MAST4: variants seen among roughly 807,000 people sequenced by gnomAD.
MAST4 encodes microtubule-associated serine/threonine-protein kinase 4.
Under a neutral mutation model 162.7 loss-of-function variants are expected in MAST4, and 89 were observed. The ratio of observed to expected loss-of-function variants is 0.55; its 90% CI spans 0.46 to 0.65. MAST4 has a LOEUF of 0.65. MAST4 is among the 30% of genes least tolerant of loss of function. MAST4 has a pLI of 0.00. For missense variants in MAST4, 3,153 were observed against 3,374.0 expected (o/e 0.93, Z 1.62); for synonymous variants, 1,479 against 1,361.1 (o/e 1.09, Z -1.91).
Position 66,909,949 on chromosome 5 carries a change from C to T in MAST4, c.674+9967C>T, listed in dbSNP as rs548886036. Reference sequence around the variant, plus strand: ...GACTTGCTCCTCCTTCACCTTTTGCCGTGATTGTTGGGACTCTCGAGCCAT... The same window carrying T: ...GACTTGCTCCTCCTTCACCTTTTGCTGTGATTGTTGGGACTCTCGAGCCAT... On this transcript the variant is annotated intron_variant, in intron 4 of 28. Transcript: ENST00000403625. Among the ~76,000 whole-genome samples, 54 of 152,256 alleles carry T rather than the reference C, an allele frequency of 3.5e-4. No individual in the cohort carries two copies. The South Asian group carries it at 6.8e-3, about 19-fold the overall frequency.
At chr5:67,049,000 T>TACAC (rs1554087344) in intron 4 of MAST4, among the ~76,000 whole-genome samples, 15 of 124,742 alleles carry the variant, frequency 1.2e-4, no homozygotes, top group Admixed American at 3.5e-4. Flanking sequence ...TATATATATA[T>TACAC]ACACACACAT....
intron 4 of MAST4, among the ~76,000 whole-genome samples, chr5:66,992,173 C>CT (rs578234423): frequency 8.5e-4 from 130 of 152,162 alleles, no homozygotes; most frequent in African/African-American, 2.9e-3. Flanking sequence ...TACAGGTGCA[C>CT]TTTTTTCTGT....
chr5:66,684,416 A>T (rs1198819610), intron 1 of MAST4, among the ~76,000 whole-genome samples: 1 of 152,072 alleles, frequency 6.6e-6, no homozygotes, highest in Non-Finnish European at 1.5e-5. Flanking sequence ...TTAATAATTC[A>T]CATGCAGTTA....
chr5:66,940,410 G>A (rs1029562789), intron 4 of MAST4, among the ~76,000 whole-genome samples: 2 of 152,110 alleles, frequency 1.3e-5, no homozygotes, highest in Non-Finnish European at 2.9e-5. Flanking sequence ...TCCATAATTG[G>A]AGTCAGCCTT....
At chr5:66,781,486 T>G (rs890183518) in intron 2 of MAST4, among the ~76,000 whole-genome samples, 12 of 152,228 alleles carry the variant, frequency 7.9e-5, no homozygotes, top group Non-Finnish European at 1.5e-4. Context: ...ATTGTTCTTT[T>G]TGTTTCTAGT....
intron 24 of MAST4, 92 bp from the exon 25 acceptor site, chr5:67,152,545 C>T: frequency 2.1e-6 from 2 of 951,066 alleles, no homozygotes; most frequent in South Asian, 1.4e-5. Context: ...TGACTATGCC[C>T]CCAGTCCTGG....
At chr5:67,143,494 A>G (rs1770675613) in intron 21 of MAST4, among the ~76,000 whole-genome samples, 1 of 152,206 alleles carries the variant, frequency 6.6e-6, no homozygotes, top group African/African-American at 2.4e-5. Context: ...AATCAACCTG[A>G]GGGCACCCTA....
chr5:66,635,691 T>C (rs575446010), intron 1 of MAST4, among the ~76,000 whole-genome samples: 1 of 149,616 alleles, frequency 6.7e-6, no homozygotes, highest in Non-Finnish European at 1.5e-5. Flanking sequence ...ATTTTTTCTT[T>C]TTCTTTTTTT....
chr5:66,762,385 TA>T (rs1461280215), intron 2 of MAST4, among the ~76,000 whole-genome samples: 63 of 152,310 alleles, frequency 4.1e-4, no homozygotes, highest in African/African-American at 1.4e-3. Context: ...AATGAAATAA[TA>T]TACACAAAGC....
intron 21 of MAST4, 159 bp downstream of exon 21, chr5:67,142,692 A>G (rs976484664): frequency 1.7e-6 from 1 of 600,784 alleles, no homozygotes; most frequent in African/African-American, 1.9e-5. Flanking sequence ...TCCTCAACTT[A>G]TAGTCTGTCC....
At chr5:67,136,231 C>A (rs1393003063) in intron 18 of MAST4, among the ~76,000 whole-genome samples, 6 of 152,104 alleles carry the variant, frequency 3.9e-5, no homozygotes, top group Admixed American at 1.3e-4. Context: ...TATTTTAAGT[C>A]TTTTAATAAC....
intron 4 of MAST4, among the ~76,000 whole-genome samples, chr5:66,985,278 C>T (rs1749352758): frequency 6.6e-6 from 1 of 152,110 alleles, no homozygotes; most frequent in South Asian, 2.1e-4. Flanking sequence ...TGAAAGGTCT[C>T]TGCCCATCTG....
At chr5:66,939,627 G>A (rs1235363924) in intron 4 of MAST4, among the ~76,000 whole-genome samples, 1 of 151,850 alleles carries the variant, frequency 6.6e-6, no homozygotes, top group Non-Finnish European at 1.5e-5. Context: ...TGTCATTTCT[G>A]TTACAGATAA....
chr5:67,081,502 A>T (rs1393610665), intron 5 of MAST4, among the ~76,000 whole-genome samples: 1 of 152,086 alleles, frequency 6.6e-6, no homozygotes, highest in African/African-American at 2.4e-5. Context: ...GTGAAAAAAA[A>T]ATATTAAGAC....
At chr5:67,116,275 G>A (rs561826385) in intron 12 of MAST4, among the ~76,000 whole-genome samples, 2 of 151,942 alleles carry the variant, frequency 1.3e-5, no homozygotes, top group Middle Eastern at 3.4e-3. Flanking sequence ...GCATGATCTC[G>A]GCTCACTGCA....
At chr5:66,846,247 T>G (rs1758845682) in intron 3 of MAST4, among the ~76,000 whole-genome samples, 1 of 152,206 alleles carries the variant, frequency 6.6e-6, no homozygotes, top group African/African-American at 2.4e-5. Context: ...TCATCCACTG[T>G]GACAAGTTCA....
intron 1 of MAST4, among the ~76,000 whole-genome samples, chr5:66,670,667 T>G (rs1747548091): frequency 6.6e-6 from 1 of 152,092 alleles, no homozygotes; most frequent in Non-Finnish European, 1.5e-5. Flanking sequence ...TATTTTGCAC[T>G]GACATCCCTA....
intron 5 of MAST4, among the ~76,000 whole-genome samples, chr5:67,072,054 G>T (rs1761062907): frequency 6.6e-6 from 1 of 152,142 alleles, no homozygotes; most frequent in African/African-American, 2.4e-5. Flanking sequence ...ATTAAAATAT[G>T]CATGCATGTG....
chr5:67,096,723 A>G (rs1454940068), intron 7 of MAST4, among the ~76,000 whole-genome samples: 1 of 152,200 alleles, frequency 6.6e-6, no homozygotes, highest in East Asian at 1.9e-4. Context: ...CCAAATTGTT[A>G]AAAGCTGTTG....
Sources: gnomAD v4.1 joint callset for allele counts (sites outside exome capture counted in the v4.1 genomes callset) on GRCh38, gnomAD v4.1.1 for gene constraint, MANE v1.5 for transcripts, NCBI Gene and HGNC (gene_info 2026-07-23, HGNC 2026-07-21) for gene names.